The following ATF7IP variants were observed in gnomAD, a reference collection of about 807,000 sequenced individuals.
ATF7IP encodes the protein activating transcription factor 7-interacting protein 1.
Under a neutral mutation model 106.4 loss-of-function variants are expected in ATF7IP, and 23 were observed. The ratio of observed to expected loss-of-function variants is 0.22; its 90% CI spans 0.16 to 0.31. The LOEUF (loss-of-function observed/expected upper bound fraction) is 0.31. Among genes scored for constraint, ATF7IP ranks in the 10% least tolerant of loss-of-function variants. The pLI, the probability that ATF7IP is intolerant of heterozygous loss-of-function variation, is 1.00. For missense variants in ATF7IP, 1,334 were observed against 1,524.3 expected, an observed-to-expected ratio of 0.88 and a Z score of 2.08; for synonymous variants, 542 against 539.0, an observed-to-expected ratio of 1.01 and a Z score of -0.08.
At chr12:14,451,744 T>G (rs1943211139) in intron 6 of ATF7IP, among the ~76,000 whole-genome samples, 1 of 152,166 alleles carries the variant, frequency 6.6e-6, no homozygotes, top group Admixed American at 6.5e-5. Flanking sequence ...ATTTCATTCT[T>G]TCTAAATTTG....
rs1427209991 is a variant in ATF7IP, at chr12:14,424,271, C to T, written c.356C>T (p.Pro119Leu). 3.7e-6 allele frequency: 6 copies of T among 1,614,080 alleles called. No homozygotes were observed. Among genetic ancestry groups the T allele is most frequent in the Non-Finnish European group, 5.1e-6 (6 of 1,180,052 alleles). Residue 119 changes from proline to leucine, a missense_variant, in exon 2 of 15, where the codon CCA becomes CTA. Coordinates refer to ENST00000261168, the MANE Select transcript of ATF7IP (RefSeq NM_018179.5). ...CCTTTGTCTCCCCATAATATAACTC[C>T]AGAACCAGTCTCTAAACTGCCTGCT... is the stretch of plus-strand genomic sequence containing the variant. ...CEPLSPHNIT[P>L]EPVSKLPAEP...
chr12:14,406,362 G>A (rs1275129029), intron 1 of ATF7IP, among the ~76,000 whole-genome samples: 1 of 152,126 alleles, frequency 6.6e-6, no homozygotes, highest in African/African-American at 2.4e-5. Context: ...GCCTCCCAAA[G>A]TGCTGGGATT....
chr12:14,469,221 G>A (rs1293255756), intron 10 of ATF7IP, among the ~76,000 whole-genome samples: 4 of 151,940 alleles, frequency 2.6e-5, no homozygotes, highest in South Asian at 2.1e-4. Flanking sequence ...TTAGCTGGTC[G>A]TGGTGGTGCA....
chr12:14,414,701 G>A (rs1466120814), intron 1 of ATF7IP, among the ~76,000 whole-genome samples: 1 of 152,120 alleles, frequency 6.6e-6, no homozygotes, highest in Non-Finnish European at 1.5e-5. Context: ...ACAGTTATTA[G>A]CCAGTGAAAT....
rs150098783 is a variant in ATF7IP, at chr12:14,446,158, T to C, written c.1930-830T>C. On this transcript the variant is annotated intron_variant, in intron 5 of 14. Transcript: ENST00000261168. ...ATGGGTTTTTTGTTTGTTTTTTGTTTTTTTTTTGAGACAGAGTCTAACTCT... is the reference window on the plus strand; with the variant it reads ...ATGGGTTTTTTGTTTGTTTTTTGTTCTTTTTTTGAGACAGAGTCTAACTCT... 4.4e-3 allele frequency among the ~76,000 whole-genome samples: 665 copies of C among 152,090 alleles called. 4 individuals carry two copies. The highest frequency in any genetic ancestry group is 0.015 in the African/African-American group (639 of 41,472).
At chr12:14,395,484 C>G (rs1284077262) in intron 1 of ATF7IP, among the ~76,000 whole-genome samples, 1 of 152,050 alleles carries the variant, frequency 6.6e-6, no homozygotes, top group African/African-American at 2.4e-5. Context: ...TTGAAATGAA[C>G]TAACAGTGGA....
In ATF7IP at chr12:14,424,386, T is replaced by C; in HGVS notation, c.471T>C (p.Gly157=). 6.2e-7 allele frequency: 1 copy of C among 1,613,932 alleles called. No individual in the cohort carries two copies. Residue 157 remains glycine (G), a synonymous_variant, in exon 2 of 15, where the codon GGT becomes GGC. Coordinates refer to ENST00000261168, the MANE Select transcript of ATF7IP (RefSeq NM_018179.5). Reference sequence around the variant, plus strand: ...TGGCCTCTGGTGATTCCACCTCTGGTGATCCCACCTCTAGCGAGCCCTCCT... The same window carrying C: ...TGGCCTCTGGTGATTCCACCTCTGGCGATCCCACCTCTAGCGAGCCCTCCT... The part of the protein sequence containing the change: ...GVLASGDSTS[G]DPTSSEPSSS...
chr12:14,434,382 A>C lies in ATF7IP; in HGVS notation c.1604A>C (p.Glu535Ala), dbSNP rs752325672. Residue 535 changes from glutamate to alanine, a missense_variant, in exon 3 of 15, where the codon GAG becomes GCG. Transcript: ENST00000261168. Reference sequence around the variant, plus strand: ...AAGGACAACAAACCTGAGGAAGAAGAGCAAGTAATACATGAAGATGATGAA... The same window carrying C: ...AAGGACAACAAACCTGAGGAAGAAGCGCAAGTAATACATGAAGATGATGAA... ...NEKDNKPEEEEQVIHEDDERP... is the reference protein window; with the variant it reads ...NEKDNKPEEEAQVIHEDDERP... The C allele has an allele frequency of 5.0e-6, 8 of 1,594,540 alleles. No individual in the cohort carries two copies. Among genetic ancestry groups the C allele is most frequent in the Non-Finnish European group, 6.9e-6 (8 of 1,164,520 alleles).
At chr12:14,482,452 G>GAGAA (rs1448211834) in intron 13 of ATF7IP, 1 of 152,312 alleles carries the variant, frequency 6.6e-6, no homozygotes, top group Non-Finnish European at 1.5e-5. Context: ...TCCAGCACAG[G>GAGAA]AGAAAGATGT....
chr12:14,398,653 G>T, intron 1 of ATF7IP, among the ~76,000 whole-genome samples: 1 of 151,624 alleles, frequency 6.6e-6, no homozygotes, highest in Non-Finnish European at 1.5e-5. Flanking sequence ...TATTACTTTT[G>T]TGTTCTTCAT....
At chr12:14,380,258 T>C (rs1483899091) in intron 1 of ATF7IP, among the ~76,000 whole-genome samples, 2 of 152,214 alleles carry the variant, frequency 1.3e-5, no homozygotes, top group Non-Finnish European at 2.9e-5. Context: ...TATTGCTTCA[T>C]GTATTTTTTT....
intron 1 of ATF7IP, among the ~76,000 whole-genome samples, chr12:14,395,681 A>G (rs536124262): frequency 1.3e-5 from 2 of 152,272 alleles, no homozygotes; most frequent in Non-Finnish European, 2.9e-5. Flanking sequence ...TACCACTTTG[A>G]ATTCACCTTT....
intron 10 of ATF7IP, among the ~76,000 whole-genome samples, chr12:14,474,510 C>A (rs569446787): frequency 6.6e-6 from 1 of 151,752 alleles, no homozygotes; most frequent in South Asian, 2.1e-4. Flanking sequence ...AAGCGATTCT[C>A]CTGCCTCAGC....
chr12:14,479,903 A>G (rs1944381682), intron 12 of ATF7IP, among the ~76,000 whole-genome samples: 1 of 152,184 alleles, frequency 6.6e-6, no homozygotes, highest in Non-Finnish European at 1.5e-5. Flanking sequence ...TTACATTTAT[A>G]CAAAGTTATA....
At chr12:14,390,113 C>T (rs4763382) in intron 1 of ATF7IP, among the ~76,000 whole-genome samples, 49,723 of 152,040 alleles carry the variant, frequency 0.33, 9,328 homozygotes, top group Admixed American at 0.47. Flanking sequence ...ACGTTACCTG[C>T]GTGGCCTTGG....
chr12:14,372,164 C>T (rs111293909), intron 1 of ATF7IP, among the ~76,000 whole-genome samples: 1,555 of 152,140 alleles, frequency 0.01, 8 homozygotes, highest in African/African-American at 0.021. Context: ...CATTACTTTG[C>T]CATGTTCTTT....
chr12:14,373,282 A>G (rs1352251147), intron 1 of ATF7IP, among the ~76,000 whole-genome samples: 1 of 148,106 alleles, frequency 6.8e-6, no homozygotes, highest in Non-Finnish European at 1.5e-5. Flanking sequence ...AGGAGACTCC[A>G]TTCCTGTTGT....
At chr12:14,426,162 A>G (rs1941837880) in intron 2 of ATF7IP, among the ~76,000 whole-genome samples, 1 of 152,152 alleles carries the variant, frequency 6.6e-6, no homozygotes, top group South Asian at 2.1e-4. Flanking sequence ...TAAAAGGTAC[A>G]TTAACTTTAT....
Position 14,382,353 on chromosome 12 carries a change from A to G in ATF7IP, c.-8+16526A>G, listed in dbSNP as rs192305671. Among the ~76,000 whole-genome samples the G allele has an allele frequency of 3.5e-3, 531 of 152,364 alleles. 1 individual carries two copies. Among genetic ancestry groups the G allele is most frequent in the Middle Eastern group, 0.01 (3 of 294 alleles). On this transcript the variant is annotated intron_variant, in intron 1 of 14. Coordinates refer to ENST00000261168, the MANE Select transcript of ATF7IP (RefSeq NM_018179.5). Reference sequence around the variant, plus strand: ...TTGGTCTCATTACAAATGACCCAATATAAAACAAATTTCTTAAAACCTGTG... The same window carrying G: ...TTGGTCTCATTACAAATGACCCAATGTAAAACAAATTTCTTAAAACCTGTG...
Sources: allele counts gnomAD v4.1 joint callset (sites outside exome capture counted in the v4.1 genomes callset), GRCh38; gene constraint gnomAD v4.1.1; transcripts MANE v1.5; gene names NCBI Gene and HGNC (gene_info 2026-07-23, HGNC 2026-07-21).